The following ACOT4 variants were observed in gnomAD, a reference collection of about 807,000 sequenced individuals.
ACOT4 encodes the protein peroxisomal succinyl-coenzyme A thioesterase.
Under a neutral mutation model 17.1 loss-of-function variants are expected in ACOT4, and 18 were observed. The ratio of observed to expected loss-of-function variants is 1.05; its 90% CI spans 0.73 to 1.56. ACOT4 has a LOEUF of 1.56. ACOT4 is among the 40% of genes most tolerant of loss of function. The probability of loss-of-function intolerance (pLI) is 0.00; values close to 1 mark genes in which losing one functional copy is unlikely to be tolerated. For synonymous variants in ACOT4, 234 were observed against 236.6 expected, an observed-to-expected ratio of 0.99 and a Z score of 0.10; for missense variants, 574 against 557.2, an observed-to-expected ratio of 1.03 and a Z score of -0.30.
Position 73,592,054 on chromosome 14 carries a change from T to A in ACOT4, c.95T>A (p.Val32Asp), listed in dbSNP as rs995750582. ...CGCGGCCTGGCCCCGGAGCAGCGGG[T>A]TACGCTGCGCGCGTCCCTGCGCGAC... ...AVRGLAPEQRVTLRASLRDEK... is the reference protein window; with the variant it reads ...AVRGLAPEQRDTLRASLRDEK... The change falls in exon 1 of 3, where the codon GTT (valine) becomes GAT (aspartate). Residue 32 changes from valine to aspartate, a missense_variant. Transcript: ENST00000326303. The A allele has an allele frequency of 2.0e-6, 3 of 1,478,026 alleles. No homozygotes were observed. Among genetic ancestry groups the A allele is most frequent in the African/African-American group, 3.0e-5 (2 of 67,318 alleles). The allele number at this position is 1,478,026 out of a possible 1,614,324, so 91.6% of individuals were successfully genotyped here.
chr14:73,594,948 G>A (rs769836771), intron 2 of ACOT4, 101 bp from the exon 3 acceptor site: 109 of 1,421,900 alleles, frequency 7.7e-5, no homozygotes, highest in East Asian at 3.7e-4. Context: ...CAAGTGATCC[G>A]CCCGCCTCCG....
At chr14:73,592,641 T>C (rs1490913533) in intron 1 of ACOT4, among the ~76,000 whole-genome samples, 1 of 152,124 alleles carries the variant, frequency 6.6e-6, no homozygotes, top group Non-Finnish European at 1.5e-5. Context: ...TCACTTGAGA[T>C]CAGGAGTTTG....
In ACOT4 at chr14:73,593,924, T is replaced by C. The variant is rs1419508018; in HGVS notation, c.660+20T>C. On this transcript the variant is annotated intron_variant, in intron 2 of 2. Transcript: ENST00000326303. Reference sequence around the variant, plus strand: ...CCCCAGGTTCTCCTCATGTCCTTTATTTAATCAGTCTCTCTAGAAATATTT... The same window carrying C: ...CCCCAGGTTCTCCTCATGTCCTTTACTTAATCAGTCTCTCTAGAAATATTT... 1.3e-6 allele frequency: 2 copies of C among 1,589,472 alleles called. No individual in the cohort carries two copies. The highest frequency in any genetic ancestry group is 1.3e-5 in the African/African-American group (1 of 74,270).
At chr14:73,594,915 G>C (rs1171821030) in intron 2 of ACOT4, 134 bp from the exon 3 acceptor site, 1 of 1,025,424 alleles carries the variant, frequency 9.8e-7, no homozygotes, top group Non-Finnish European at 1.4e-6. Context: ...ATGTTGGCCA[G>C]GCTGGTCTCA....
intron 2 of ACOT4, 96 bp from the exon 3 acceptor site, chr14:73,594,953 C>T: frequency 6.8e-7 from 1 of 1,461,926 alleles, no homozygotes; most frequent in Non-Finnish European, 9.3e-7. Flanking sequence ...GATCCGCCCG[C>T]CTCCGCCTCG....
At chr14:73,593,336 C>CTTTTTTTTTTTTTTTTTTTTTTTT (rs60704237) in intron 1 of ACOT4, among the ~76,000 whole-genome samples, 1 of 104,870 alleles carries the variant, frequency 9.5e-6, no homozygotes, top group Non-Finnish European at 1.8e-5. Context: ...TTCTTTCTTT[C>CTTTTTTTTTTTTTTTTTTTTTTTT]TTTTTTTTTT....
rs1235107609 is a variant in ACOT4, at chr14:73,595,289, G to C, written c.901G>C (p.Gly301Arg). The C allele has an allele frequency of 2.5e-6, 4 of 1,614,188 alleles. No homozygotes were observed. In the South Asian group the frequency reaches 4.4e-5, roughly 18 times the overall value. ...DIVDIRNALV[G>R]GYKNPSMIPI... ...TGTGGATATAAGGAATGCTCTCGTA[G>C]GAGGGTACAAGAACCCCAGCATGAT... is the stretch of plus-strand genomic sequence containing the variant. The change falls in exon 3 of 3, where the codon GGA becomes CGA. Residue 301 changes from glycine to arginine, a missense_variant. Coordinates refer to ENST00000326303, the MANE Select transcript of ACOT4 (RefSeq NM_152331.4).
intron 1 of ACOT4, among the ~76,000 whole-genome samples, chr14:73,593,336 CT>C (rs60704237): frequency 0.073 from 7,661 of 104,704 alleles, 107 homozygotes; most frequent in Non-Finnish European, 0.087. Context: ...TTCTTTCTTT[CT>C]TTTTTTTTTT....
At chr14:73,592,516 A>G in intron 1 of ACOT4, 100 bp downstream of exon 1, 2 of 1,343,284 alleles carry the variant, frequency 1.5e-6, no homozygotes, top group Non-Finnish European at 9.8e-7. Context: ...GAGCAAGATC[A>G]GAGAAGCTAA....
Position 73,592,168 on chromosome 14 carries a change from G to C in ACOT4, c.209G>C (p.Gly70Ala), listed in dbSNP as rs1295731962. Reference protein sequence around the residue: ...LDLERAPALGGSFAGLEPMGL... With the variant: ...LDLERAPALGASFAGLEPMGL... ...CTGGAGCGCGCACCCGCGCTGGGCG[G>C]CAGCTTCGCGGGACTCGAGCCCATG... Residue 70 changes from glycine to alanine, a missense_variant, in exon 1 of 3, where the codon GGC (glycine) becomes GCC (alanine). By Grantham distance (60) the Gly-to-Ala change is moderately conservative. Coordinates refer to ENST00000326303, the MANE Select transcript of ACOT4 (RefSeq NM_152331.4). The C allele has an allele frequency of 6.2e-7, 1 of 1,603,128 alleles. No homozygotes were observed. The highest frequency in any genetic ancestry group is 8.5e-7 in the Non-Finnish European group (1 of 1,175,696).
chr14:73,595,251 G>A lies in ACOT4; in HGVS notation c.863G>A (p.Gly288Asp), dbSNP rs752990158. Reference sequence around the variant, plus strand: ...AGGAGAATCAAGGTAGCTTTCTCAGGCCTCGTGGACATTGTGGATATAAGG... The same window carrying A: ...AGGAGAATCAAGGTAGCTTTCTCAGACCTCGTGGACATTGTGGATATAAGG... ...DLRRIKVAFSGLVDIVDIRNA... is the reference protein window; with the variant it reads ...DLRRIKVAFSDLVDIVDIRNA... Residue 288 changes from glycine (G) to aspartate (D), a missense_variant, in exon 3 of 3, where the codon GGC (glycine) becomes GAC (aspartate). Gly to Asp is a moderately conservative substitution (Grantham distance 94). Coordinates refer to ENST00000326303, the MANE Select transcript of ACOT4 (RefSeq NM_152331.4). The A allele has an allele frequency of 1.5e-5, 25 of 1,614,074 alleles. No individual in the cohort carries two copies. The highest frequency in any genetic ancestry group is 2.1e-5 in the Non-Finnish European group (25 of 1,180,048).
In ACOT4 at chr14:73,592,037, G is replaced by T; in HGVS notation, c.78G>T (p.Leu26=). 8 of 1,457,410 alleles carry T rather than the reference G, an allele frequency of 5.5e-6. No homozygotes were observed. The South Asian group carries it at 1.1e-4, about 20-fold the overall frequency. 90.3% of individuals were successfully genotyped at this position (1,457,410 alleles called of 1,614,324 possible). ...NEPVRIAVRG[L]APEQRVTLRA... ...CGGTGCGCATTGCCGTGCGCGGCCT[G>T]GCCCCGGAGCAGCGGGTTACGCTGC... is the stretch of plus-strand genomic sequence containing the variant. Residue 26 remains leucine, a synonymous_variant, in exon 1 of 3, where the codon CTG becomes CTT. Transcript: ENST00000326303.
chr14:73,594,576 CCT>C (rs1012927938), intron 2 of ACOT4, among the ~76,000 whole-genome samples: 16 of 152,272 alleles, frequency 1.1e-4, no homozygotes, highest in African/African-American at 3.6e-4. Context: ...AAGAAACTCC[CCT>C]GTCAGCTGAG....
At chr14:73,592,847 C>T (rs530761016) in intron 1 of ACOT4, among the ~76,000 whole-genome samples, 7 of 151,696 alleles carry the variant, frequency 4.6e-5, no homozygotes, top group East Asian at 1.9e-4. Context: ...AGCGAGACTC[C>T]GTCTCAAAAA....
chr14:73,594,468 G>C (rs933967505), intron 2 of ACOT4, among the ~76,000 whole-genome samples: 8 of 151,784 alleles, frequency 5.3e-5, no homozygotes, highest in Non-Finnish European at 1.2e-4. Flanking sequence ...GCATTCTCTA[G>C]TGGATAATTC....
chr14:73,592,283 G>C lies in ACOT4; in HGVS notation c.324G>C (p.Val108=). The C allele has an allele frequency of 6.2e-7, 1 of 1,612,390 alleles. No homozygotes were observed. Among genetic ancestry groups the C allele is most frequent in the Non-Finnish European group, 8.5e-7 (1 of 1,179,246 alleles). The part of the protein sequence containing the change: ...VQIPFVVELE[V]LDGHDPEPGR... ...TTCCTTTTGTCGTGGAGTTGGAGGT[G>C]CTGGACGGCCACGACCCCGAGCCTG... Residue 108 remains valine (V), a synonymous_variant, in exon 1 of 3, where the codon GTG becomes GTC. Coordinates refer to ENST00000326303, the MANE Select transcript of ACOT4 (RefSeq NM_152331.4).
chr14:73,591,885 G>T lies in ACOT4; in HGVS notation c.-75G>T. 2 of 1,305,436 alleles carry T rather than the reference G, an allele frequency of 1.5e-6. No individual in the cohort carries two copies. The highest frequency in any genetic ancestry group is 2.4e-5 in the South Asian group (1 of 41,716). 80.9% of individuals were successfully genotyped at this position (1,305,436 alleles called of 1,614,324 possible). ...ACCAGGGGACGCCGGACGCCGTCCG[G>T]ACATTCGGCGCGCTTGCCACGATCT... On this transcript the variant is annotated 5_prime_UTR_variant, in exon 1 of 3. Coordinates refer to ENST00000326303, the MANE Select transcript of ACOT4 (RefSeq NM_152331.4).
Position 73,592,427 on chromosome 14 carries a change from C to G in ACOT4, c.457+11C>G, listed in dbSNP as rs1472816837. The G allele has an allele frequency of 2.7e-6, 4 of 1,500,566 alleles. No individual in the cohort carries two copies. The African/African-American group carries it at 5.6e-5, about 21-fold the overall frequency. 93.0% of individuals were successfully genotyped at this position (1,500,566 alleles called of 1,614,324 possible). A position where few individuals can be genotyped will look rare whatever the true frequency, so the allele number is the denominator to read the frequency against. On this transcript the variant is annotated intron_variant, in intron 1 of 2. Coordinates refer to ENST00000326303, the MANE Select transcript of ACOT4 (RefSeq NM_152331.4). ...TCTTCCTGCCGCCAGGTGAGCCAGGCTGCTGGCGGGTGGTGTGAGCGTCAG... is the reference window on the plus strand; with the variant it reads ...TCTTCCTGCCGCCAGGTGAGCCAGGGTGCTGGCGGGTGGTGTGAGCGTCAG...
Position 73,595,638 on chromosome 14 carries a change from C to T in ACOT4, c.1250C>T (p.Ala417Val). 3.9e-6 allele frequency: 6 copies of T among 1,523,772 alleles called. No individual in the cohort carries two copies. The highest frequency in any genetic ancestry group is 5.3e-6 in the Non-Finnish European group (6 of 1,136,912). 94.4% of individuals were successfully genotyped at this position (1,523,772 alleles called of 1,614,324 possible). A position where few individuals can be genotyped will look rare whatever the true frequency, so the allele number is the denominator to read the frequency against. ...CKHLGGTQKT[A>V]VPKL is the part of the protein sequence containing the mutation. ...CACCTGGGAGGTACCCAGAAAACAG[C>T]TGTCCCTAAATTGTAATGCATTTGT... Residue 417 changes from alanine (A) to valine (V), a missense_variant, in exon 3 of 3, where the codon GCT (alanine) becomes GTT (valine). Ala to Val is a moderately conservative substitution (Grantham distance 64). Coordinates refer to ENST00000326303, the MANE Select transcript of ACOT4 (RefSeq NM_152331.4).
Sources: gnomAD v4.1 joint callset for allele counts (sites outside exome capture counted in the v4.1 genomes callset) on GRCh38, gnomAD v4.1.1 for gene constraint, MANE v1.5 for transcripts, NCBI Gene and HGNC (gene_info 2026-07-23, HGNC 2026-07-21) for gene names.